CHD9: variants seen among roughly 807,000 people sequenced by gnomAD.
CHD9 encodes the protein chromodomain helicase DNA binding protein 9, also known as ATP-dependent chromatin remodeler CHD9.
A neutral mutation model predicts 316.1 loss-of-function variants in CHD9; 77 were observed. The ratio of observed to expected loss-of-function variants is 0.24; its 90% confidence interval spans 0.20 to 0.29. The LOEUF is 0.29. Among genes scored for constraint, CHD9 ranks in the 10% least tolerant of loss-of-function variants. CHD9 has a pLI of 1.00. For synonymous variants in CHD9, 1,129 were observed against 1,158.3 expected (o/e 0.97, Z 0.51); for missense variants, 2,763 against 3,438.1 (o/e 0.80, Z 4.91).
chr16:53,276,924 A>G (rs1187877942), intron 24 of CHD9, among the ~76,000 whole-genome samples: 1 of 152,174 alleles, frequency 6.6e-6, no homozygotes, highest in Non-Finnish European at 1.5e-5. Flanking sequence ...AACAGGAGAT[A>G]TTACAACTGA....
intron 1 of CHD9, among the ~76,000 whole-genome samples, chr16:53,113,363 A>ATTT (rs1372383957): frequency 9.4e-6 from 1 of 106,002 alleles, no homozygotes; most frequent in African/African-American, 2.9e-5. Context: ...GAATCTTGGC[A>ATTT]CTTTTTTTTT....
At chr16:53,180,817 A>G (rs1316128151) in intron 2 of CHD9, among the ~76,000 whole-genome samples, 2 of 151,518 alleles carry the variant, frequency 1.3e-5, no homozygotes, top group African/African-American at 2.4e-5. Flanking sequence ...CTGGGACTAC[A>G]GGCGCCCGCC....
At chr16:53,175,525 A>G (rs1428285036) in intron 2 of CHD9, among the ~76,000 whole-genome samples, 1 of 152,232 alleles carries the variant, frequency 6.6e-6, no homozygotes, top group Non-Finnish European at 1.5e-5. Flanking sequence ...CTATTACTCC[A>G]TCTTGGCCCT....
At chr16:53,215,969 T>A (rs2046726767) in intron 3 of CHD9, among the ~76,000 whole-genome samples, 1 of 152,228 alleles carries the variant, frequency 6.6e-6, no homozygotes, top group African/African-American at 2.4e-5. Flanking sequence ...TCCTATGTTT[T>A]GATATTTAGG....
In CHD9 at chr16:53,324,190, ACTT is replaced by A. The variant is rs768188254; in HGVS notation, c.7991_7993del (p.Leu2664del). 5.0e-6 allele frequency: 8 copies of A among 1,614,032 alleles called. No individual in the cohort carries two copies. The South Asian group carries it at 8.8e-5, about 18-fold the overall frequency. On this transcript the variant is annotated inframe_deletion, in exon 39 of 39. Coordinates refer to ENST00000447540, the MANE Select transcript of CHD9 (RefSeq NM_001308319.2). ...GCAATCCTTTGTTAGCCAATGGACTACTTCCAGGTGTGGATCTCACAACTCTTC... is the reference window on the plus strand; with the variant it reads ...GCAATCCTTTGTTAGCCAATGGACTACCAGGTGTGGATCTCACAACTCTTC...
intron 3 of CHD9, among the ~76,000 whole-genome samples, chr16:53,211,468 A>AT (rs957376959): frequency 1.3e-5 from 2 of 152,144 alleles, no homozygotes; most frequent in Non-Finnish European, 2.9e-5. Context: ...ACATTGACCA[A>AT]TTTTTCTAGA....
intron 1 of CHD9, among the ~76,000 whole-genome samples, chr16:53,130,431 G>C (rs2039173952): frequency 6.6e-6 from 1 of 151,702 alleles, no homozygotes; most frequent in African/African-American, 2.4e-5. Context: ...CCACTGGTCA[G>C]CTCGCGGCTG....
At chr16:53,186,641 C>T (rs1031411685) in intron 2 of CHD9, among the ~76,000 whole-genome samples, 4 of 152,136 alleles carry the variant, frequency 2.6e-5, no homozygotes, top group Admixed American at 2.0e-4. Flanking sequence ...CACCCAAAAT[C>T]TCATCTTGAA....
At chr16:53,123,795 C>T (rs1173762867) in intron 1 of CHD9, among the ~76,000 whole-genome samples, 2 of 152,156 alleles carry the variant, frequency 1.3e-5, no homozygotes, top group East Asian at 3.9e-4. Flanking sequence ...AGCCACCACG[C>T]CCGGCCTAAT....
At chr16:53,279,223 G>A (rs1288462648) in intron 24 of CHD9, among the ~76,000 whole-genome samples, 3 of 152,006 alleles carry the variant, frequency 2.0e-5, no homozygotes, top group African/African-American at 7.2e-5. Flanking sequence ...CATGGATGAA[G>A]CTGGAAACCA....
At chr16:53,256,770 C>G (rs2050646578) in intron 19 of CHD9, among the ~76,000 whole-genome samples, 1 of 151,306 alleles carries the variant, frequency 6.6e-6, no homozygotes, top group Admixed American at 6.6e-5. Flanking sequence ...CAAGTTTTCT[C>G]TTTTCCACTG....
At chr16:53,299,378 G>C (rs1324555505) in intron 30 of CHD9, 2 of 165,996 alleles carry the variant, frequency 1.2e-5, no homozygotes, top group Non-Finnish European at 2.6e-5. Context: ...AAATTAATCA[G>C]ATTAAAAGGC....
intron 1 of CHD9, among the ~76,000 whole-genome samples, chr16:53,118,946 C>T (rs1386889531): frequency 6.6e-6 from 1 of 152,140 alleles, no homozygotes; most frequent in East Asian, 1.9e-4. Context: ...GCACCCGCCA[C>T]CATGCCTACT....
intron 27 of CHD9, among the ~76,000 whole-genome samples, chr16:53,289,323 G>A (rs1284866763): frequency 1.3e-5 from 2 of 152,060 alleles, no homozygotes; most frequent in Non-Finnish European, 2.9e-5. Context: ...TGGAGGGTAA[G>A]GTGGGAGGAT....
intron 22 of CHD9, among the ~76,000 whole-genome samples, chr16:53,273,365 A>C (rs1204103794): frequency 6.6e-6 from 1 of 152,208 alleles, no homozygotes; most frequent in East Asian, 1.9e-4. Flanking sequence ...TATTTGTAAA[A>C]AAATAATCTG....
chr16:53,147,589 C>T (rs1481622815), intron 1 of CHD9, among the ~76,000 whole-genome samples: 3 of 152,140 alleles, frequency 2.0e-5, no homozygotes, highest in Non-Finnish European at 4.4e-5. Context: ...ATTCTAAATA[C>T]TTCATGTAAG....
At chr16:53,072,620 C>T (rs1380364709) in intron 1 of CHD9, among the ~76,000 whole-genome samples, 1 of 151,972 alleles carries the variant, frequency 6.6e-6, no homozygotes, top group African/African-American at 2.4e-5. Context: ...AAGCAATCCT[C>T]TTGCCTCAGC....
At chr16:53,107,096 A>T (rs56308051) in intron 1 of CHD9, among the ~76,000 whole-genome samples, 42,475 of 152,030 alleles carry the variant, frequency 0.28, 7,131 homozygotes, top group Non-Finnish European at 0.38. Context: ...TTTATTGATA[A>T]AATTTTCAAC....
chr16:53,184,091 C>T (rs1420163172), intron 2 of CHD9, among the ~76,000 whole-genome samples: 1 of 151,990 alleles, frequency 6.6e-6, no homozygotes, highest in East Asian at 1.9e-4. Context: ...ACTAAAGGCG[C>T]CCGGCACCAC....
Sources: allele counts gnomAD v4.1 joint callset (sites outside exome capture counted in the v4.1 genomes callset), GRCh38; gene constraint gnomAD v4.1.1; transcripts MANE v1.5; gene names NCBI Gene and HGNC (gene_info 2026-07-23, HGNC 2026-07-21).